COL4A4: variants seen among roughly 807,000 people sequenced by gnomAD.
COL4A4 encodes the protein collagen type IV alpha 4 chain.
A neutral mutation model predicts 192.9 loss-of-function variants in COL4A4; 105 were observed. The ratio of observed to expected loss-of-function variants is 0.54; its 90% CI spans 0.46 to 0.64. COL4A4 has a LOEUF of 0.64. COL4A4 is among the 30% of genes least tolerant of loss of function. The pLI is 0.00. For missense variants in COL4A4, 1,967 were observed against 2,169.3 expected (o/e 0.91, Z 1.85); for synonymous variants, 762 against 769.9 (o/e 0.99, Z 0.17).
At chr2:227,102,962 A>T in intron 14 of COL4A4, 114 bp from the exon 15 acceptor site, 13 of 1,207,726 alleles carry the variant, frequency 1.1e-5, no homozygotes, top group Non-Finnish European at 1.6e-5. Flanking sequence ...AATTATTGTC[A>T]GCAGCTTAAA....
In COL4A4 at chr2:227,048,214, T is replaced by C. The variant is rs140779148; in HGVS notation, c.3215-665A>G. 1.9e-3 allele frequency among the ~76,000 whole-genome samples: 285 copies of C among 152,210 alleles called. 2 individuals carry two copies. The highest frequency in any genetic ancestry group is 6.6e-3 in the African/African-American group (273 of 41,528). ...TGGGGTTTCAAGAGAATTACAGAGG[T>C]AAGTTAGATGTATCTTATAGTAACT... On this transcript the variant is annotated intron_variant, in intron 34 of 47. Coordinates refer to ENST00000396625, the MANE Select transcript of COL4A4 (RefSeq NM_000092.5).
chr2:227,085,178 G>A (rs1018677466), intron 22 of COL4A4, among the ~76,000 whole-genome samples: 4 of 151,524 alleles, frequency 2.6e-5, no homozygotes, highest in Non-Finnish European at 5.9e-5. Context: ...CTTCCTCTCT[G>A]CCAGGCATAT....
In COL4A4 at chr2:227,056,135, C is replaced by A; in HGVS notation, c.2546-20G>T. ...GAGCACCTAAGACAAACCACAGTGA[C>A]CACAGTGTGTGAAGGCTGAACACTG... On this transcript the variant is annotated intron_variant, in intron 29 of 47. Transcript: ENST00000396625. 1 of 1,612,046 alleles carries A rather than the reference C, an allele frequency of 6.2e-7. No individual in the cohort carries two copies. Among genetic ancestry groups the A allele is most frequent in the Non-Finnish European group, 8.5e-7 (1 of 1,178,450 alleles).
At chr2:226,977,367 G>A in the COL4A4 span, among the ~76,000 whole-genome samples, 11 of 152,100 alleles carry the variant, frequency 7.2e-5, no homozygotes, top group Admixed American at 1.3e-4. Flanking sequence ...CTGAGTGTCC[G>A]AAATAGCCGG....
chr2:227,042,406 A>G, intron 36 of COL4A4, 151 bp from the exon 37 acceptor site: 1 of 628,482 alleles, frequency 1.6e-6, no homozygotes. Context: ...GGAGAAAAAT[A>G]CATTTAAATT....
At chr2:227,156,294 G>A (rs565324245) in intron 1 of COL4A4, among the ~76,000 whole-genome samples, 46 of 152,008 alleles carry the variant, frequency 3.0e-4, no homozygotes, top group African/African-American at 1.1e-3. Context: ...AGCTACGTGG[G>A]AGGCTGAGGT....
At chr2:227,068,539 C>G (rs4606920) in intron 25 of COL4A4, among the ~76,000 whole-genome samples, 4 of 151,970 alleles carry the variant, frequency 2.6e-5, no homozygotes, top group African/African-American at 7.3e-5. Flanking sequence ...GGGCTTCACC[C>G]CTGGGATGCA....
chr2:227,124,111 T>C (rs575200619), intron 4 of COL4A4, among the ~76,000 whole-genome samples: 1 of 152,292 alleles, frequency 6.6e-6, no homozygotes, highest in African/African-American at 2.4e-5. Flanking sequence ...AGCCACAGAA[T>C]AGTATGTCAT....
intron 28 of COL4A4, among the ~76,000 whole-genome samples, chr2:227,058,332 A>G (rs1976029221): frequency 6.6e-6 from 1 of 152,158 alleles, no homozygotes; most frequent in Admixed American, 6.5e-5. Flanking sequence ...GGATAATACT[A>G]CAAGGGCATT....
the COL4A4 span, among the ~76,000 whole-genome samples, chr2:226,992,269 G>A: frequency 6.6e-6 from 1 of 152,168 alleles, no homozygotes; most frequent in Non-Finnish European, 1.5e-5. Flanking sequence ...CACAGTAGTC[G>A]GTGTAGGTTA....
At chr2:227,136,903 C>T (rs375271781) in intron 4 of COL4A4, among the ~76,000 whole-genome samples, 3 of 120,258 alleles carry the variant, frequency 2.5e-5, no homozygotes, top group Non-Finnish European at 3.6e-5. Context: ...GATAGTCCCC[C>T]GTGAGCTGTC....
At chr2:226,995,496 C>T in the COL4A4 span, 4 of 1,612,022 alleles carry the variant, frequency 2.5e-6, no homozygotes, top group Admixed American at 3.3e-5. Flanking sequence ...GAGGAGACAG[C>T]GGCTTCACAG....
At chr2:227,113,557 A>G (rs2061335873) in intron 8 of COL4A4, among the ~76,000 whole-genome samples, 1 of 151,960 alleles carries the variant, frequency 6.6e-6, no homozygotes, top group Non-Finnish European at 1.5e-5. Context: ...CAAATAACGA[A>G]CATGAGGCTG....
At chr2:227,099,386 AT>A (rs2060380232) in intron 18 of COL4A4, among the ~76,000 whole-genome samples, 1 of 152,236 alleles carries the variant, frequency 6.6e-6, no homozygotes, top group African/African-American at 2.4e-5. Context: ...GTTTCATACA[AT>A]TTTTAGCGAT....
chr2:227,128,426 T>C (rs2062217101), intron 4 of COL4A4, among the ~76,000 whole-genome samples: 1 of 152,228 alleles, frequency 6.6e-6, no homozygotes, highest in Non-Finnish European at 1.5e-5. Flanking sequence ...AAATTTAACT[T>C]TCTGGTCCTA....
At chr2:227,082,313 T>C in intron 22 of COL4A4, 126 bp from the exon 23 acceptor site, 1 of 912,488 alleles carries the variant, frequency 1.1e-6, no homozygotes, top group Non-Finnish European at 1.8e-6. Flanking sequence ...TTGGCATTCT[T>C]GGTCTCTTCC....
Position 227,043,121 on chromosome 2 carries a change from C to T in COL4A4, c.3353G>A (p.Gly1118Glu). The T allele has an allele frequency of 6.2e-7, 1 of 1,614,024 alleles. No individual in the cohort carries two copies. Among genetic ancestry groups the T allele is most frequent in the Middle Eastern group, 1.7e-4 (1 of 5,972 alleles). Residue 1118 changes from glycine to glutamate, a missense_variant, in exon 36 of 48, where the codon GGA becomes GAA. Transcript: ENST00000396625. ...PGIQGPRGSP[G>E]RPGPPGSSGP... is the part of the protein sequence containing the mutation. ...AGAGGAGCCAGGTGGCCCTGGCCTT[C>T]CAGGTGATCCTCTGGGCCCTTGAAT...
At chr2:227,103,562 A>G (rs958134833) in intron 13 of COL4A4, among the ~76,000 whole-genome samples, 2 of 152,268 alleles carry the variant, frequency 1.3e-5, no homozygotes, top group African/African-American at 4.8e-5. Context: ...GGTAGCTGAC[A>G]GAGGAATTAA....
At chr2:227,103,007 A>G (rs2060609481) in intron 14 of COL4A4, 137 bp downstream of exon 14, 4 of 1,046,712 alleles carry the variant, frequency 3.8e-6, no homozygotes, top group Non-Finnish European at 5.9e-6. Flanking sequence ...GCTCTATAGT[A>G]TTATGATAAG....
Sources: gnomAD v4.1 joint callset for allele counts (sites outside exome capture counted in the v4.1 genomes callset) on GRCh38, gnomAD v4.1.1 for gene constraint, MANE v1.5 for transcripts, NCBI Gene and HGNC (gene_info 2026-07-23, HGNC 2026-07-21) for gene names.